Variants in SPATA22 observed in about 807,000 individuals in gnomAD.
The protein encoded by SPATA22 is spermatogenesis associated 22.
Under a neutral mutation model 47.8 loss-of-function variants are expected in SPATA22, and 29 were observed. That is an observed-to-expected ratio of 0.61 (90% CI 0.45 to 0.83). The LOEUF is 0.83. Among genes scored for constraint, SPATA22 ranks in the 40% least tolerant of loss-of-function variants. The probability of loss-of-function intolerance (pLI) is 0.00; values close to 1 mark genes in which losing one functional copy is unlikely to be tolerated. For synonymous variants in SPATA22, 133 were observed against 140.9 expected (o/e 0.94, Z 0.40); for missense variants, 410 against 421.7 (o/e 0.97, Z 0.24).
At chr17:3,443,922 A>C (rs1436085108) in intron 7 of SPATA22, among the ~76,000 whole-genome samples, 1 of 151,916 alleles carries the variant, frequency 6.6e-6, no homozygotes, top group Non-Finnish European at 1.5e-5. Context: ...AAATTTTAAT[A>C]TACAATACAA....
At chr17:3,512,621 G>T (rs2074128070) in intron 1 of SPATA22, 1 of 151,948 alleles carries the variant, frequency 6.6e-6, no homozygotes, top group African/African-American at 2.4e-5. Flanking sequence ...CGGCAGAGTG[G>T]ATTTTCTGGT....
Position 3,446,566 on chromosome 17 carries a change from T to G in SPATA22, c.708A>C (p.Lys236Asn). 6.3e-7 allele frequency: 1 copy of G among 1,597,838 alleles called. No homozygotes were observed. The highest frequency in any genetic ancestry group is 8.6e-7 in the Non-Finnish European group (1 of 1,168,474). The change falls in exon 7 of 9, where the codon AAA becomes AAC. Residue 236 changes from lysine to asparagine, a missense_variant. Lys to Asn is a moderately conservative substitution (Grantham distance 94). Transcript: ENST00000572969. ...TSLYQLQFKE[K>N]ASSLRIISAV... The stretch of plus-strand genomic sequence containing the variant: ...CAGAAATAATTCTTAAAGAACTAGC[T>G]TTTTCCTTAAACTGTAACTGATACA...
intron 3 of SPATA22, among the ~76,000 whole-genome samples, chr17:3,464,665 G>A (rs1212004535): frequency 6.0e-5 from 9 of 150,414 alleles, no homozygotes; most frequent in Non-Finnish European, 1.0e-4. Flanking sequence ...GCCTCTGCCC[G>A]GCCGCGACCC....
At chr17:3,447,139 CT>C (rs920895691) in intron 6 of SPATA22, among the ~76,000 whole-genome samples, 9 of 150,788 alleles carry the variant, frequency 6.0e-5, no homozygotes, top group African/African-American at 2.2e-4. Flanking sequence ...AGGAAATGTA[CT>C]TTTTTTTTAG....
chr17:3,451,717 G>A (rs7217196), intron 5 of SPATA22, among the ~76,000 whole-genome samples: 49,981 of 151,944 alleles, frequency 0.33, 10,529 homozygotes, highest in Non-Finnish European at 0.48. Context: ...GGGAGGCCGA[G>A]GTGGGCGGAT....
intron 1 of SPATA22, among the ~76,000 whole-genome samples, chr17:3,504,710 A>C (rs2074025576): frequency 6.6e-6 from 1 of 152,010 alleles, no homozygotes; most frequent in African/African-American, 2.4e-5. Flanking sequence ...GGCATGCGCC[A>C]CCACGCCTGG....
At chr17:3,495,495 T>C (rs1196718965) in intron 1 of SPATA22, among the ~76,000 whole-genome samples, 1 of 152,240 alleles carries the variant, frequency 6.6e-6, no homozygotes, top group Non-Finnish European at 1.5e-5. Context: ...AATCCTGCTT[T>C]GTGGCTTAAT....
chr17:3,470,750 C>CAAAAAAAAAAG (rs2073412694), intron 1 of SPATA22, among the ~76,000 whole-genome samples: 2 of 147,220 alleles, frequency 1.4e-5, no homozygotes, highest in African/African-American at 5.1e-5. Context: ...GACTCCGTCT[C>CAAAAAAAAAAG]AAAAAAAAAA....
chr17:3,506,165 C>T (rs1168954214), intron 1 of SPATA22, among the ~76,000 whole-genome samples: 1 of 152,128 alleles, frequency 6.6e-6, no homozygotes, highest in African/African-American at 2.4e-5. Context: ...CACCAAAAAC[C>T]CTAGTCTAGT....
chr17:3,444,512 T>C (rs989858663), intron 7 of SPATA22, among the ~76,000 whole-genome samples: 1 of 152,042 alleles, frequency 6.6e-6, no homozygotes. Context: ...AATAATCAAC[T>C]TGCTACCATA....
rs545172191 is a variant in SPATA22 at position 3,451,122 on chromosome 17, T to C, written c.330-1973A>G. Among the ~76,000 whole-genome samples the C allele has an allele frequency of 2.2e-4, 33 of 152,084 alleles. 1 individual carries two copies. Among genetic ancestry groups the C allele is most frequent in the Admixed American group, 9.2e-4 (14 of 15,248 alleles). On this transcript the variant is annotated intron_variant, in intron 5 of 8. Transcript: ENST00000572969. The stretch of plus-strand genomic sequence containing the variant: ...AGAATAAAGGGATGGAAAAAGATAT[T>C]CCATGCAAACAGCAACCAAAAGAAA...
At chr17:3,499,023 G>C in intron 1 of SPATA22, 1 of 1,614,174 alleles carries the variant, frequency 6.2e-7, no homozygotes, top group Non-Finnish European at 8.5e-7. Flanking sequence ...CGAAAAGAAA[G>C]AAGCTTTTGC....
At chr17:3,479,971 A>T (rs2073599114) in intron 1 of SPATA22, among the ~76,000 whole-genome samples, 1 of 152,200 alleles carries the variant, frequency 6.6e-6, no homozygotes, top group African/African-American at 2.4e-5. Flanking sequence ...GAATGGAAGA[A>T]AAACTACTGG....
Position 3,462,407 on chromosome 17 carries a change from G to A in SPATA22, c.329+76C>T. 9 of 977,320 alleles carry A rather than the reference G, an allele frequency of 9.2e-6. No individual in the cohort carries two copies. The South Asian group carries it at 1.4e-4, about 15-fold the overall frequency. The allele number at this position is 977,320 out of a possible 1,614,324, so 60.5% of individuals were successfully genotyped here. On this transcript the variant is annotated intron_variant, in intron 5 of 8. Coordinates refer to ENST00000572969, the MANE Select transcript of SPATA22 (RefSeq NM_001170698.2). Reference sequence around the variant, plus strand: ...TCTGTCTGAGAAACAACGAAGTGAAGGAGGAGGGAAGAATGAAGAGGAAGA... The same window carrying A: ...TCTGTCTGAGAAACAACGAAGTGAAAGAGGAGGGAAGAATGAAGAGGAAGA...
At chr17:3,442,055 T>C (rs1169019008) in intron 8 of SPATA22, among the ~76,000 whole-genome samples, 2 of 152,040 alleles carry the variant, frequency 1.3e-5, no homozygotes, top group Non-Finnish European at 2.9e-5. Context: ...GACAATGTTC[T>C]GTTTCTTAAC....
At chr17:3,491,877 C>CTTTTTTT (rs540965896) in intron 1 of SPATA22, among the ~76,000 whole-genome samples, 4 of 123,040 alleles carry the variant, frequency 3.3e-5, no homozygotes, top group South Asian at 2.5e-4. Context: ...CTTTTGTTTT[C>CTTTTTTT]TTTTTTTTTT....
chr17:3,452,154 G>C (rs1219957580), intron 5 of SPATA22, among the ~76,000 whole-genome samples: 2 of 151,274 alleles, frequency 1.3e-5, no homozygotes, highest in South Asian at 4.2e-4. Flanking sequence ...TGCCCAAGTG[G>C]AAATAAAAAG....
intron 7 of SPATA22, among the ~76,000 whole-genome samples, chr17:3,445,941 C>A (rs948795135): frequency 2.0e-5 from 3 of 152,054 alleles, no homozygotes; most frequent in African/African-American, 7.2e-5. Context: ...TTACGGAGGT[C>A]AGAAGTCTAT....
chr17:3,489,435 T>G, intron 1 of SPATA22: 1 of 1,095,504 alleles, frequency 9.1e-7, no homozygotes, highest in East Asian at 2.4e-5. Context: ...GCTAAAGATA[T>G]GAAGTGCTTT....
Sources: gnomAD v4.1 joint callset for allele counts (sites outside exome capture counted in the v4.1 genomes callset) on GRCh38, gnomAD v4.1.1 for gene constraint, MANE v1.5 for transcripts, NCBI Gene and HGNC (gene_info 2026-07-23, HGNC 2026-07-21) for gene names.